NREP: variants seen among roughly 807,000 people sequenced by gnomAD.
NREP encodes the protein neuronal regeneration-related protein.
A neutral mutation model predicts 8.6 loss-of-function variants in NREP; 5 were observed. The ratio of observed to expected loss-of-function variants is 0.58; its 90% CI spans 0.30 to 1.22. NREP has a LOEUF of 1.22. NREP is among the 50% of genes most tolerant of loss of function. The probability of loss-of-function intolerance (pLI) is 0.07; values close to 1 mark genes in which losing one functional copy is unlikely to be tolerated. For missense variants in NREP, 86 were observed against 82.5 expected (o/e 1.04, Z -0.17); for synonymous variants, 27 against 28.0 (o/e 0.96, Z 0.11).
chr5:111,804,944 T>G (rs189501540), intron 2 of NREP, among the ~76,000 whole-genome samples: 1 of 152,208 alleles, frequency 6.6e-6, no homozygotes, highest in African/African-American at 2.4e-5. Flanking sequence ...GAGCTTGCAG[T>G]GAGCCGAGAT....
At chr5:111,864,821 G>T (rs994439596) in intron 2 of NREP, among the ~76,000 whole-genome samples, 3 of 152,002 alleles carry the variant, frequency 2.0e-5, no homozygotes, top group African/African-American at 7.2e-5. Flanking sequence ...ATTTAAAAAG[G>T]TTATTGATTT....
chr5:111,758,062 C>G (rs1750848146), upstream of NREP: 1 of 985,470 alleles, frequency 1.0e-6, no homozygotes, highest in Admixed American at 6.1e-5. Flanking sequence ...GAGCCGCGCT[C>G]AGACACACAA....
intron 2 of NREP, among the ~76,000 whole-genome samples, chr5:111,867,096 G>A (rs1305151267): frequency 3.3e-5 from 5 of 151,246 alleles, no homozygotes; most frequent in African/African-American, 7.3e-5. Flanking sequence ...GTATACATAC[G>A]TAACTAACCT....
At chr5:111,734,716 T>G (rs1460394086) in intron 3 of NREP, 2 of 701,162 alleles carry the variant, frequency 2.9e-6, no homozygotes, top group Non-Finnish European at 5.2e-6. Context: ...AATTTTATTT[T>G]CAGTGGATTC....
At chr5:111,828,271 C>A (rs1752675633) in intron 2 of NREP, among the ~76,000 whole-genome samples, 1 of 152,134 alleles carries the variant, frequency 6.6e-6, no homozygotes, top group Non-Finnish European at 1.5e-5. Flanking sequence ...CTCAAGTGAT[C>A]CACCGCCTCA....
intron 1 of NREP, among the ~76,000 whole-genome samples, chr5:111,976,547 A>G (rs1756969407): frequency 6.6e-6 from 1 of 152,286 alleles, no homozygotes; most frequent in South Asian, 2.1e-4. Flanking sequence ...AACGAATTAC[A>G]TAAAATATTT....
intron 2 of NREP, among the ~76,000 whole-genome samples, chr5:111,750,565 A>G (rs1750297811): frequency 6.6e-6 from 1 of 152,184 alleles, no homozygotes; most frequent in Non-Finnish European, 1.5e-5. Flanking sequence ...CTTAATTTCT[A>G]CCTTCTTAAT....
At chr5:111,842,122 G>T (rs1235834664) in intron 2 of NREP, among the ~76,000 whole-genome samples, 1 of 152,102 alleles carries the variant, frequency 6.6e-6, no homozygotes, top group South Asian at 2.1e-4. Context: ...CTTTGTATAA[G>T]ATGTGACTCC....
intron 2 of NREP, among the ~76,000 whole-genome samples, chr5:111,962,728 A>T (rs931927900): frequency 6.6e-6 from 1 of 152,194 alleles, no homozygotes; most frequent in African/African-American, 2.4e-5. Context: ...GTGCCTATAA[A>T]GACCCAAGAC....
chr5:111,752,589 T>G (rs970360231), intron 2 of NREP, among the ~76,000 whole-genome samples: 10 of 152,206 alleles, frequency 6.6e-5, no homozygotes, highest in Admixed American at 6.5e-4. Context: ...AGAGTCTTCT[T>G]GTAAGCCCAT....
intron 1 of NREP, among the ~76,000 whole-genome samples, chr5:111,975,546 CTT>C (rs1041286835): frequency 2.6e-5 from 4 of 152,110 alleles, no homozygotes; most frequent in African/African-American, 4.8e-5. Flanking sequence ...CATGAAGACT[CTT>C]TTGAGAAGCC....
chr5:111,976,597 G>A (rs1756970101), intron 1 of NREP: 2 of 794,502 alleles, frequency 2.5e-6, no homozygotes, highest in Non-Finnish European at 4.0e-6. Context: ...CAAGCAAAAT[G>A]AACAAGGTTA....
intron 2 of NREP, among the ~76,000 whole-genome samples, chr5:111,841,801 G>C (rs750969407): frequency 6.6e-6 from 1 of 152,112 alleles, no homozygotes; most frequent in African/African-American, 2.4e-5. Flanking sequence ...AATAAGCAGA[G>C]TAGAGATAAG....
intron 2 of NREP, among the ~76,000 whole-genome samples, chr5:111,784,652 T>C (rs1301749885): frequency 6.6e-6 from 1 of 152,204 alleles, no homozygotes; most frequent in Non-Finnish European, 1.5e-5. Context: ...TCTTCGGGAC[T>C]TCTCAAGGTC....
chr5:111,813,887 C>G (rs868368260), intron 2 of NREP, among the ~76,000 whole-genome samples: 2 of 152,020 alleles, frequency 1.3e-5, no homozygotes, highest in Admixed American at 1.3e-4. Context: ...ATACTATATT[C>G]CAGATTCCAA....
chr5:111,924,513 A>T (rs1186803683), intron 2 of NREP, among the ~76,000 whole-genome samples: 1 of 151,914 alleles, frequency 6.6e-6, no homozygotes, highest in Non-Finnish European at 1.5e-5. Flanking sequence ...TCATTTCCTC[A>T]GGTATTTGGA....
At chr5:111,773,743 A>G (rs775195325) in intron 2 of NREP, among the ~76,000 whole-genome samples, 5 of 152,220 alleles carry the variant, frequency 3.3e-5, no homozygotes, top group Non-Finnish European at 5.9e-5. Flanking sequence ...GTTCAAAAAT[A>G]TAATGCCTTC....
intron 2 of NREP, among the ~76,000 whole-genome samples, chr5:111,784,942 G>A (rs1191562313): frequency 6.6e-6 from 1 of 152,138 alleles, no homozygotes; most frequent in African/African-American, 2.4e-5. Context: ...TTGAGCAGGG[G>A]GGAGCTGCTC....
chr5:111,739,071 C>T lies in NREP; in HGVS notation c.4-3564G>A, dbSNP rs557963048. 7 of 152,298 alleles carry T rather than the reference C, an allele frequency of 4.6e-5. No homozygotes were observed. In the East Asian group the frequency reaches 1.4e-3, roughly 29 times the overall value. The allele number at this position is 152,298 out of a possible 1,614,324, so 9.4% of individuals were successfully genotyped here. On this transcript the variant is annotated intron_variant, in intron 2 of 3. Coordinates refer to ENST00000257435, the MANE Select transcript of NREP (RefSeq NM_004772.4). ...TGTGTAAGCTGCCCAGTCTGTGGCA[C>T]TTTGTTATGGCAGCCCTCGCAAACT...
Sources: allele counts gnomAD v4.1 joint callset (sites outside exome capture counted in the v4.1 genomes callset), GRCh38; gene constraint gnomAD v4.1.1; transcripts MANE v1.5; gene names NCBI Gene and HGNC (gene_info 2026-07-23, HGNC 2026-07-21).